The following LDHAL6A variants were observed in gnomAD, a reference collection of about 807,000 sequenced individuals.
The protein encoded by LDHAL6A is L-lactate dehydrogenase A-like 6A.
Under a neutral mutation model 28.2 loss-of-function variants are expected in LDHAL6A, and 19 were observed. The ratio of observed to expected loss-of-function variants is 0.67; its 90% confidence interval spans 0.47 to 0.99. LDHAL6A has a LOEUF of 0.99. Among genes scored for constraint, LDHAL6A ranks in the 50% least tolerant of loss-of-function variants. LDHAL6A has a pLI of 0.00. For synonymous variants in LDHAL6A, 144 were observed against 134.4 expected (o/e 1.07, Z -0.49); for missense variants, 372 against 398.6 (o/e 0.93, Z 0.57).
intron 1 of LDHAL6A, among the ~76,000 whole-genome samples, chr11:18,460,612 A>G (rs1192982436): frequency 1.3e-5 from 2 of 150,752 alleles, no homozygotes; most frequent in African/African-American, 2.4e-5. Flanking sequence ...AAAAAAAAAA[A>G]TGCCAGGTGC....
chr11:18,476,405 A>C lies in LDHAL6A; in HGVS notation c.614A>C (p.Asn205Thr). The change falls in exon 5 of 7, where the codon AAC becomes ACC. Residue 205 changes from asparagine (N) to threonine (T), a missense_variant. By Grantham distance (65) the Asn-to-Thr change is moderately conservative. Coordinates refer to ENST00000280706, the MANE Select transcript of LDHAL6A (RefSeq NM_144972.5). The part of the protein sequence containing the change: ...DSSVPVWSGV[N>T]IAGVPLKDLN... ...TTAGTTCCTGTGTGGAGTGGTGTGA[A>C]CATTGCTGGCGTCCCTCTGAAGGAT... The C allele has an allele frequency of 6.2e-7, 1 of 1,614,060 alleles. No homozygotes were observed. Among genetic ancestry groups the C allele is most frequent in the Non-Finnish European group, 8.5e-7 (1 of 1,179,960 alleles).
At position 18,478,924 on chromosome 11, in the gene LDHAL6A, G is replaced by GT. The variant is rs1300766980; in HGVS notation, c.*55dup. ...AAGATGAAATAGTAGTTATGGAATTGTATATGTCAAACTTTTGAATAAATT... is the reference window on the plus strand; with the variant it reads ...AAGATGAAATAGTAGTTATGGAATTGTTATATGTCAAACTTTTGAATAAATT... On this transcript the variant is annotated 3_prime_UTR_variant, in exon 7 of 7. Transcript: ENST00000280706. The GT allele has an allele frequency of 7.2e-7, 1 of 1,397,672 alleles. No individual in the cohort carries two copies. Among genetic ancestry groups the GT allele is most frequent in the Non-Finnish European group, 9.8e-7 (1 of 1,018,468 alleles). The allele number at this position is 1,397,672 out of a possible 1,614,324, so 86.6% of individuals were successfully genotyped here. A position where few individuals can be genotyped will look rare whatever the true frequency, so the allele number is the denominator to read the frequency against.
At chr11:18,478,511 G>C (rs139570306) in intron 6 of LDHAL6A, among the ~76,000 whole-genome samples, 195 bp from the exon 7 acceptor site, 3,456 of 152,092 alleles carry the variant, frequency 0.023, 60 homozygotes, top group Non-Finnish European at 0.036. Context: ...AGTGAGCCGA[G>C]ATCGTGCCAC....
At chr11:18,478,207 TACA>T (rs1169725252) in intron 6 of LDHAL6A, among the ~76,000 whole-genome samples, 4 of 152,096 alleles carry the variant, frequency 2.6e-5, no homozygotes, top group African/African-American at 4.8e-5. Context: ...GGAGAGGTTA[TACA>T]ACAAGACAGA....
chr11:18,458,903 T>G (rs1326286307), intron 1 of LDHAL6A, among the ~76,000 whole-genome samples: 2 of 152,216 alleles, frequency 1.3e-5, no homozygotes, highest in African/African-American at 2.4e-5. Flanking sequence ...GGATTGTGAA[T>G]ATAAAGATGG....
chr11:18,469,083 T>C (rs1849195116), intron 3 of LDHAL6A: 1 of 453,268 alleles, frequency 2.2e-6, no homozygotes, highest in Non-Finnish European at 3.9e-6. Context: ...TTCCAGTAAG[T>C]TTTTTCACAT....
At chr11:18,469,015 A>G in intron 3 of LDHAL6A, 1 of 399,078 alleles carries the variant, frequency 2.5e-6, no homozygotes, top group Non-Finnish European at 4.4e-6. Flanking sequence ...ACTGAAAATA[A>G]CAAGCTGATG....
At position 18,478,975 on chromosome 11, in the gene LDHAL6A, G is replaced by C. The variant is rs1849467333; in HGVS notation, c.*105G>C. ...TGAATTTCTAAAAGTTGGAAAAATA[G>C]AGGAAAGAGTGACCTATTTAGTATA... On this transcript the variant is annotated 3_prime_UTR_variant, in exon 7 of 7. Coordinates refer to ENST00000280706, the MANE Select transcript of LDHAL6A (RefSeq NM_144972.5). 2.0e-6 allele frequency: 2 copies of C among 1,020,104 alleles called. No individual in the cohort carries two copies. The highest frequency in any genetic ancestry group is 2.9e-6 in the Non-Finnish European group (2 of 698,822). The allele number at this position is 1,020,104 out of a possible 1,614,324, so 63.2% of individuals were successfully genotyped here. A position where few individuals can be genotyped will look rare whatever the true frequency, so the allele number is the denominator to read the frequency against.
intron 3 of LDHAL6A, among the ~76,000 whole-genome samples, chr11:18,467,968 CGTAT>C (rs1440882030): frequency 1.3e-3 from 15 of 11,402 alleles, no homozygotes; most frequent in Admixed American, 1.9e-3. Context: ...TATATATATA[CGTAT>C]ATATATACGT....
intron 1 of LDHAL6A, 109 bp downstream of exon 1, chr11:18,456,915 T>TGGG: frequency 8.5e-7 from 1 of 1,171,008 alleles, no homozygotes; most frequent in Non-Finnish European, 1.2e-6. Flanking sequence ...GGAGCCAGTG[T>TGGG]GAGGGGCATC....
At chr11:18,478,357 G>A (rs1010520560) in intron 6 of LDHAL6A, among the ~76,000 whole-genome samples, 55 of 152,254 alleles carry the variant, frequency 3.6e-4, no homozygotes, top group African/African-American at 1.2e-3. Flanking sequence ...TGGAGAGATG[G>A]TGGGTTGAAA....
Position 18,457,492 on chromosome 11 carries a change from A to G in LDHAL6A, c.126+686A>G, listed in dbSNP as rs536877393. ...CTTTTATATAACCTTTAATCCTGGC[A>G]TGAGTCATTGGATTTAAAGGATTGC... On this transcript the variant is annotated intron_variant, in intron 1 of 6. Coordinates refer to ENST00000280706, the MANE Select transcript of LDHAL6A (RefSeq NM_144972.5). Among the ~76,000 whole-genome samples, 17 of 152,282 alleles carry G rather than the reference A, an allele frequency of 1.1e-4. No individual in the cohort carries two copies. In the South Asian group the frequency reaches 3.5e-3, roughly 32 times the overall value.
At position 18,478,711 on chromosome 11, in the gene LDHAL6A, C is replaced by T. The variant is rs750699556; in HGVS notation, c.840C>T (p.Leu280=). ...VHPVSTLSKG[L]YGINEDIFLS... is the part of the protein sequence containing the mutation. ...TTTTAAGTCTTTACTTTCAGGGCCT[C>T]TATGGAATAAATGAAGACATATTCC... The change falls in exon 7 of 7, where the codon CTC becomes CTT. Residue 280 remains leucine, a synonymous_variant. Transcript: ENST00000280706. The T allele has an allele frequency of 1.2e-6, 2 of 1,606,054 alleles. No individual in the cohort carries two copies. The highest frequency in any genetic ancestry group is 1.7e-6 in the Non-Finnish European group (2 of 1,176,892).
At chr11:18,476,648 C>T (rs1565076231) in intron 5 of LDHAL6A, 147 bp downstream of exon 5, 2 of 1,420,948 alleles carry the variant, frequency 1.4e-6, no homozygotes, top group East Asian at 5.2e-5. Flanking sequence ...TCATATTCAC[C>T]AGATTATAAA....
In LDHAL6A at chr11:18,477,786, TAGG is replaced by T. The variant is rs779622440; in HGVS notation, c.834+44_834+46del. On this transcript the variant is annotated intron_variant, in intron 6 of 6. Transcript: ENST00000280706. The stretch of plus-strand genomic sequence containing the variant: ...GAAAAATCATTAACTCAACATAAAA[TAGG>T]GGGGTAAAGAACATTTTTGAGGCAC... 28 of 1,557,660 alleles carry T rather than the reference TAGG, an allele frequency of 1.8e-5. No homozygotes were observed. The Admixed American group carries it at 4.1e-4, about 23-fold the overall frequency.
At chr11:18,465,893 GCTGAGGTTTGGGGTAGGATTGATC>G in intron 3 of LDHAL6A, 83 bp downstream of exon 3, 1 of 1,131,904 alleles carries the variant, frequency 8.8e-7, no homozygotes, top group Non-Finnish European at 1.3e-6. Context: ...ACTGTGTGAT[GCTGAGGTTTGGGGTAGGATTGATC>G]CTGCCACCCA....
chr11:18,465,920 G>A (rs112394064), intron 3 of LDHAL6A, 110 bp downstream of exon 3: 12 of 856,258 alleles, frequency 1.4e-5, no homozygotes, highest in South Asian at 3.5e-5. Flanking sequence ...GATTGATCCT[G>A]CCACCCAGGT....
chr11:18,457,938 G>GA (rs1848800458), intron 1 of LDHAL6A, among the ~76,000 whole-genome samples: 1 of 151,916 alleles, frequency 6.6e-6, no homozygotes, highest in African/African-American at 2.4e-5. Flanking sequence ...TTTTAGAGGA[G>GA]AAAAAAGGAA....
At chr11:18,471,874 T>A (rs1319414001) in intron 3 of LDHAL6A, among the ~76,000 whole-genome samples, 2 of 151,394 alleles carry the variant, frequency 1.3e-5, no homozygotes, top group East Asian at 3.9e-4. Context: ...TTTTTTTTTT[T>A]ACAAATTAAA....
Sources: gnomAD v4.1 joint callset for allele counts (sites outside exome capture counted in the v4.1 genomes callset) on GRCh38, gnomAD v4.1.1 for gene constraint, MANE v1.5 for transcripts, NCBI Gene and HGNC (gene_info 2026-07-23, HGNC 2026-07-21) for gene names.